Variants in NPTN observed in about 807,000 individuals in gnomAD.
The protein encoded by NPTN is neuroplastin, also known as SDR-1.
A neutral mutation model predicts 42.7 loss-of-function variants in NPTN; 5 were observed. The observed-to-expected ratio is 0.12, with a 90% CI of 0.06 to 0.25. The LOEUF is 0.25. Ranked by LOEUF, NPTN falls within the 10% of genes least tolerant of loss-of-function variation. The probability of loss-of-function intolerance (pLI) is 1.00; values close to 1 mark genes in which losing one functional copy is unlikely to be tolerated. For missense variants in NPTN, 307 were observed against 525.4 expected (o/e 0.58, Z 4.06); for synonymous variants, 180 against 201.9 (o/e 0.89, Z 0.92).
rs774063385 is a variant in NPTN at position 73,570,263 on chromosome 15, C to T, written c.1001G>A (p.Arg334Gln). ...AGGCCAGAGTGGGGCCAGGTGGCTC[C>T]GCACCCTGAGGACAGTGACAACAGA... Reference protein sequence around the residue: ...SASVVTVLRVRSHLAPLWPFL... With the variant: ...SASVVTVLRVQSHLAPLWPFL... Residue 334 changes from arginine to glutamine, a missense_variant, in exon 6 of 9, where the codon CGG (arginine) becomes CAG (glutamine). Around this residue, in one of 2 missense-constraint regions of NPTN, gnomAD observed 264 missense variants for 491.1 expected, o/e 0.54. Transcript: ENST00000345330. This position sits in a 1 kb window ranked among gnomAD's most constrained non-coding sequence, Gnocchi z 4.0. 3.7e-6 allele frequency: 6 copies of T among 1,614,244 alleles called. No homozygotes were observed. The highest frequency in any genetic ancestry group is 1.7e-5 in the Admixed American group (1 of 60,028).
intron 2 of NPTN, among the ~76,000 whole-genome samples, chr15:73,592,447 C>T (rs188489820): frequency 6.6e-6 from 1 of 152,162 alleles, no homozygotes; most frequent in Non-Finnish European, 1.5e-5. Flanking sequence ...TTTATAAGAA[C>T]CACCAAACAA....
intron 1 of NPTN, among the ~76,000 whole-genome samples, chr15:73,608,849 G>T (rs1412043387): frequency 6.6e-6 from 1 of 152,216 alleles, no homozygotes; most frequent in Non-Finnish European, 1.5e-5. Context: ...TTGACGTGGG[G>T]TGGGCAGTGA....
intron 4 of NPTN, among the ~76,000 whole-genome samples, chr15:73,579,455 A>G (rs914687238): frequency 6.6e-6 from 1 of 151,848 alleles, no homozygotes; most frequent in African/African-American, 2.4e-5. Flanking sequence ...TGGGCCAGTT[A>G]TTGGCAATAG....
intron 2 of NPTN, among the ~76,000 whole-genome samples, chr15:73,596,102 C>T (rs1341481961): frequency 2.0e-5 from 3 of 152,146 alleles, no homozygotes; most frequent in East Asian, 3.9e-4. Context: ...AGAGTCAAAC[C>T]GTGAACAGGA....
chr15:73,626,455 T>C (rs1189215285), intron 1 of NPTN, among the ~76,000 whole-genome samples: 1 of 152,228 alleles, frequency 6.6e-6, no homozygotes, highest in Admixed American at 6.5e-5. Flanking sequence ...CTCTGAGCCT[T>C]TAACCTATTG....
At chr15:73,566,881 C>A in intron 6 of NPTN, 1 of 281,152 alleles carries the variant, frequency 3.6e-6, no homozygotes, top group Non-Finnish European at 5.4e-6. Context: ...ACCTACAAGA[C>A]AACCTAGTGG....
intron 6 of NPTN, chr15:73,565,664 T>C: frequency 2.3e-6 from 1 of 436,846 alleles, no homozygotes; most frequent in Non-Finnish European, 4.7e-6. Flanking sequence ...CAATGACTGT[T>C]CTCTCCACCT....
At chr15:73,587,305 A>G (rs149588201) in intron 4 of NPTN, among the ~76,000 whole-genome samples, 35 of 152,350 alleles carry the variant, frequency 2.3e-4, no homozygotes, top group African/African-American at 7.7e-4. Context: ...AAAAGGAAGC[A>G]AAGAGAAGTT....
rs149973838 is a variant in NPTN at position 73,577,953 on chromosome 15, T to C, written c.707-4158A>G. Reference sequence around the variant, plus strand: ...ACTGATTTGAATAGTAATAAAACTCTGGTCTCCCAGCAAAAAAGAAAAGAA... The same window carrying C: ...ACTGATTTGAATAGTAATAAAACTCCGGTCTCCCAGCAAAAAAGAAAAGAA... On this transcript the variant is annotated intron_variant, in intron 4 of 8. Coordinates refer to ENST00000345330, the MANE Select transcript of NPTN (RefSeq NM_012428.4). 4.1e-4 allele frequency among the ~76,000 whole-genome samples: 63 copies of C among 152,242 alleles called. No homozygotes were observed. In the East Asian group the frequency reaches 8.9e-3, roughly 21 times the overall value.
intron 7 of NPTN, 85 bp downstream of exon 7, chr15:73,563,151 A>G: frequency 5.1e-6 from 5 of 979,248 alleles, no homozygotes; most frequent in Non-Finnish European, 8.2e-6. Flanking sequence ...TTCCCCTCCA[A>G]TCTTAGCTAC....
At position 73,569,572 on chromosome 15, in the gene NPTN, G is replaced by A; in HGVS notation, c.1114+578C>T. On this transcript the variant is annotated intron_variant, in intron 6 of 8. Coordinates refer to ENST00000345330, the MANE Select transcript of NPTN (RefSeq NM_012428.4). This position sits in a 1 kb window ranked among gnomAD's most constrained non-coding sequence, Gnocchi z 4.1. Reference sequence around the variant, plus strand: ...CAGATGGAAAGCCACCCAGCAGAGAGCGCTGGAAACCTATCAAAGGGACCA... The same window carrying A: ...CAGATGGAAAGCCACCCAGCAGAGAACGCTGGAAACCTATCAAAGGGACCA... 2.0e-6 allele frequency: 2 copies of A among 985,450 alleles called. No individual in the cohort carries two copies. The highest frequency in any genetic ancestry group is 2.4e-6 in the Non-Finnish European group (2 of 829,930). The allele number at this position is 985,450 out of a possible 1,614,324, so 61.0% of individuals were successfully genotyped here. A position where few individuals can be genotyped will look rare whatever the true frequency, so the allele number is the denominator to read the frequency against.
At chr15:73,590,607 CAA>C (rs1246356308) in intron 3 of NPTN, among the ~76,000 whole-genome samples, 18 of 94,954 alleles carry the variant, frequency 1.9e-4, no homozygotes, top group Admixed American at 2.3e-4. Flanking sequence ...ACAAAAAATA[CAA>C]AAAAAAAAAA....
intron 6 of NPTN, chr15:73,568,991 CTT>C (rs1389600569): frequency 1.0e-6 from 1 of 985,436 alleles, no homozygotes; most frequent in Non-Finnish European, 1.2e-6. Context: ...CCAGATGTCA[CTT>C]TGTATTCTCC....
chr15:73,592,985 G>A (rs1896665750), intron 2 of NPTN, among the ~76,000 whole-genome samples: 1 of 152,176 alleles, frequency 6.6e-6, no homozygotes, highest in Admixed American at 6.5e-5. Context: ...GGCAAAGCTG[G>A]GCCTAGAAGA....
intron 4 of NPTN, among the ~76,000 whole-genome samples, chr15:73,581,599 T>C (rs1431662684): frequency 6.6e-6 from 1 of 152,168 alleles, no homozygotes; most frequent in Admixed American, 6.5e-5. Flanking sequence ...AATTTCATTA[T>C]CTGGGCAGTC....
chr15:73,592,587 C>T (rs996770388), intron 2 of NPTN, among the ~76,000 whole-genome samples: 1 of 152,134 alleles, frequency 6.6e-6, no homozygotes, highest in African/African-American at 2.4e-5. Context: ...TTACATAATA[C>T]ATGTATAGCT....
At chr15:73,581,668 T>C (rs999894626) in intron 4 of NPTN, among the ~76,000 whole-genome samples, 2 of 152,188 alleles carry the variant, frequency 1.3e-5, no homozygotes, top group Non-Finnish European at 2.9e-5. Flanking sequence ...CCCAACCTGA[T>C]GCACTTAGAG....
chr15:73,601,151 A>C (rs556709658), intron 1 of NPTN, among the ~76,000 whole-genome samples: 2 of 152,302 alleles, frequency 1.3e-5, no homozygotes, highest in African/African-American at 4.8e-5. Context: ...GACTTGCCCA[A>C]AATCACTTAG....
rs192355224 is a variant in NPTN at position 73,618,121 on chromosome 15, T to C, written c.91+15004A>G. Among the ~76,000 whole-genome samples the C allele has an allele frequency of 1.6e-4, 25 of 152,360 alleles. No homozygotes were observed. In the East Asian group the frequency reaches 4.2e-3, roughly 26 times the overall value. On this transcript the variant is annotated intron_variant, in intron 1 of 8. Transcript: ENST00000345330. ...AGTACCACATAGCTCACAATCAATA[T>C]TCATTACTAGCCGCCTGCCTGGAAT...
Sources: gnomAD v4.1 joint callset for allele counts (sites outside exome capture counted in the v4.1 genomes callset) on GRCh38, gnomAD v4.1.1 for gene constraint, gnomAD v4.1.1 regional missense constraint, Gnocchi (gnomAD v3.1) non-coding constraint, MANE v1.5 for transcripts, NCBI Gene and HGNC (gene_info 2026-07-23, HGNC 2026-07-21) for gene names.